The following PDE4D variants were observed in gnomAD, a reference collection of about 807,000 sequenced individuals.
PDE4D encodes 3',5'-cyclic-AMP phosphodiesterase 4D.
A neutral mutation model predicts 87.4 loss-of-function variants in PDE4D; 24 were observed. The ratio of observed to expected loss-of-function variants is 0.27; its 90% CI spans 0.20 to 0.39. The LOEUF (loss-of-function observed/expected upper bound fraction) is 0.39, where lower values mean the gene tolerates loss of function less well. Among genes scored for constraint, PDE4D ranks in the 10% least tolerant of loss-of-function variants. PDE4D has a pLI of 1.00. For missense variants in PDE4D, 714 were observed against 1,041.0 expected (o/e 0.69, Z 4.32); for synonymous variants, 384 against 383.2 (o/e 1.00, Z -0.02).
intron 5 of PDE4D, among the ~76,000 whole-genome samples, chr5:59,123,324 CTT>C (rs905176871): frequency 3.3e-5 from 5 of 152,154 alleles, no homozygotes; most frequent in African/African-American, 9.7e-5. Context: ...GCATCTTCTT[CTT>C]TATTTAATTT....
chr5:59,361,053 C>T (rs1269031723), intron 1 of PDE4D, among the ~76,000 whole-genome samples: 1 of 150,832 alleles, frequency 6.6e-6, no homozygotes, highest in Non-Finnish European at 1.5e-5. Flanking sequence ...TTTCCATCTA[C>T]ATTAATTTTA....
At chr5:59,106,084 T>TC (rs1482152576) in intron 5 of PDE4D, among the ~76,000 whole-genome samples, 1 of 152,226 alleles carries the variant, frequency 6.6e-6, no homozygotes, top group East Asian at 1.9e-4. Flanking sequence ...TAATTGGGTT[T>TC]CTCAAACTTA....
chr5:59,783,704 A>G (rs937622535), intron 1 of PDE4D, among the ~76,000 whole-genome samples: 8 of 152,254 alleles, frequency 5.3e-5, no homozygotes, highest in African/African-American at 1.7e-4. Flanking sequence ...TTTACAAAAC[A>G]TAAGTTGTTA....
intron 2 of PDE4D, among the ~76,000 whole-genome samples, chr5:60,027,225 C>T (rs1273199349): frequency 6.6e-6 from 1 of 152,076 alleles, no homozygotes; most frequent in Non-Finnish European, 1.5e-5. Context: ...TGCTCCACTC[C>T]CTCCCTCTTC....
chr5:59,886,344 C>T lies in PDE4D; in HGVS notation c.455+6824G>A, dbSNP rs371127042. Among the ~76,000 whole-genome samples, 70 of 151,952 alleles carry T rather than the reference C, an allele frequency of 4.6e-4. 4 individuals are homozygous for T. The highest frequency in any genetic ancestry group is 1.6e-3 in the African/African-American group (68 of 41,460). On this transcript the variant is annotated intron_variant, in intron 1 of 14. Transcript: ENST00000340635. ...CAGCCTGGCCAACACAGTGAAACCC[C>T]GTCTCTACTAAAAATACGAAAAATT...
At chr5:60,059,889 C>A (rs146343047) in intron 2 of PDE4D, among the ~76,000 whole-genome samples, 3 of 151,898 alleles carry the variant, frequency 2.0e-5, no homozygotes, top group Admixed American at 2.0e-4. Flanking sequence ...TGTTCTGATC[C>A]CCCCCAGGAA....
intron 2 of PDE4D, among the ~76,000 whole-genome samples, chr5:60,050,102 A>G (rs1032237016): frequency 2.0e-5 from 3 of 152,182 alleles, no homozygotes; most frequent in African/African-American, 2.4e-5. Context: ...AAAGCGCAGT[A>G]TTCAGGTGGG....
At chr5:59,211,494 A>G (rs1015228147) in intron 2 of PDE4D, among the ~76,000 whole-genome samples, 4 of 152,110 alleles carry the variant, frequency 2.6e-5, no homozygotes, top group African/African-American at 9.7e-5. Flanking sequence ...TTGGTCAACA[A>G]TTACTTCTGT....
chr5:60,271,484 T>C (rs1562276421), intron 1 of PDE4D, among the ~76,000 whole-genome samples: 1 of 152,174 alleles, frequency 6.6e-6, no homozygotes, highest in Non-Finnish European at 1.5e-5. Flanking sequence ...TCCTATAATT[T>C]CACCTTCTAA....
intron 1 of PDE4D, among the ~76,000 whole-genome samples, chr5:59,656,836 A>G (rs1301720200): frequency 1.3e-5 from 2 of 152,350 alleles, no homozygotes; most frequent in East Asian, 1.9e-4. Flanking sequence ...CAATTACAAT[A>G]GCAAATAATT....
At chr5:60,036,115 G>A (rs1010085027) in intron 2 of PDE4D, among the ~76,000 whole-genome samples, 24 of 152,110 alleles carry the variant, frequency 1.6e-4, no homozygotes, top group African/African-American at 5.1e-4. Context: ...TATTCATTTT[G>A]GGTTGATATG....
intron 3 of PDE4D, among the ~76,000 whole-genome samples, chr5:59,188,969 G>T (rs1464075193): frequency 1.3e-5 from 2 of 152,136 alleles, no homozygotes; most frequent in Non-Finnish European, 2.9e-5. Flanking sequence ...CTGAAACGAG[G>T]TGACTATCTT....
chr5:60,208,105 T>C (rs1742763205), intron 1 of PDE4D, among the ~76,000 whole-genome samples: 1 of 152,226 alleles, frequency 6.6e-6, no homozygotes, highest in Admixed American at 6.5e-5. Flanking sequence ...TCATTTACCT[T>C]ATATTCTACA....
chr5:60,391,398 C>T (rs191841396), intron 1 of PDE4D, among the ~76,000 whole-genome samples: 2 of 152,088 alleles, frequency 1.3e-5, no homozygotes, highest in East Asian at 3.9e-4. Context: ...TTTATCATGC[C>T]ACAGTTCCAT....
At chr5:59,728,999 T>C (rs757936553) in intron 1 of PDE4D, among the ~76,000 whole-genome samples, 1 of 152,106 alleles carries the variant, frequency 6.6e-6, no homozygotes, top group Non-Finnish European at 1.5e-5. Flanking sequence ...CCTCTGAAAA[T>C]GTCATCCTAT....
intron 1 of PDE4D, among the ~76,000 whole-genome samples, chr5:59,882,657 G>T (rs1343443363): frequency 1.3e-5 from 2 of 151,982 alleles, no homozygotes; most frequent in Non-Finnish European, 2.9e-5. Context: ...TTTGCAACTA[G>T]ATTATCTTGG....
intron 1 of PDE4D, among the ~76,000 whole-genome samples, chr5:59,669,394 G>A (rs1298773442): frequency 6.6e-6 from 1 of 152,160 alleles, no homozygotes; most frequent in Non-Finnish European, 1.5e-5. Flanking sequence ...TTACAGGCAT[G>A]AGTCACCGTG....
chr5:59,799,872 C>T (rs1015396122), intron 1 of PDE4D, among the ~76,000 whole-genome samples: 2 of 152,218 alleles, frequency 1.3e-5, no homozygotes, highest in African/African-American at 4.8e-5. Flanking sequence ...CAATTATTCA[C>T]AAGCTGGCAG....
At chr5:60,459,774 G>A (rs552761652) in intron 1 of PDE4D, 2 of 475,414 alleles carry the variant, frequency 4.2e-6, no homozygotes, top group East Asian at 7.9e-5. Context: ...AGAGGAAAAA[G>A]AAAAGACTGG....
Sources: allele counts gnomAD v4.1 joint callset (sites outside exome capture counted in the v4.1 genomes callset), GRCh38; gene constraint gnomAD v4.1.1; transcripts MANE v1.5; gene names NCBI Gene and HGNC (gene_info 2026-07-23, HGNC 2026-07-21).